HOOK3: variants seen among roughly 807,000 people sequenced by gnomAD.
The protein encoded by HOOK3 is hook microtubule tethering protein 3.
Under a neutral mutation model 116.3 loss-of-function variants are expected in HOOK3, and 24 were observed. That is an observed-to-expected ratio of 0.21 (90% CI 0.15 to 0.29). The LOEUF is 0.29. Ranked by LOEUF, HOOK3 falls within the 10% of genes least tolerant of loss-of-function variation. The pLI is 1.00. For synonymous variants in HOOK3, 275 were observed against 283.0 expected, an observed-to-expected ratio of 0.97 and a Z score of 0.28; for missense variants, 632 against 830.2, an observed-to-expected ratio of 0.76 and a Z score of 2.93.
chr8:42,904,881 T>G (rs747415586), intron 1 of HOOK3, among the ~76,000 whole-genome samples: 2 of 152,206 alleles, frequency 1.3e-5, no homozygotes, highest in African/African-American at 2.4e-5. Context: ...CTGTTGACAC[T>G]TCTATTATAC....
intron 4 of HOOK3, among the ~76,000 whole-genome samples, chr8:42,941,601 T>C (rs1808128510): frequency 6.6e-6 from 1 of 152,066 alleles, no homozygotes; most frequent in Non-Finnish European, 1.5e-5. Context: ...GAATTGATTT[T>C]CCTATTCAAG....
intron 13 of HOOK3, among the ~76,000 whole-genome samples, chr8:42,979,240 C>T (rs1311022346): frequency 6.6e-6 from 1 of 152,166 alleles, no homozygotes; most frequent in East Asian, 1.9e-4. Context: ...CCGGTTCACT[C>T]CAGCATAGGT....
intron 15 of HOOK3, among the ~76,000 whole-genome samples, chr8:42,993,778 A>AT (rs1216834321): frequency 1.3e-5 from 2 of 151,986 alleles, no homozygotes; most frequent in Non-Finnish European, 1.5e-5. Flanking sequence ...AGATTTTTCA[A>AT]TTTTTTGGCA....
At chr8:42,969,157 T>C (rs1354793878) in intron 11 of HOOK3, among the ~76,000 whole-genome samples, 1 of 152,226 alleles carries the variant, frequency 6.6e-6, no homozygotes, top group East Asian at 1.9e-4. Context: ...AATAGTATTG[T>C]ACAGGTCCTC....
chr8:43,009,314 G>A (rs1360866886), intron 18 of HOOK3, among the ~76,000 whole-genome samples: 2 of 151,908 alleles, frequency 1.3e-5, no homozygotes, highest in Non-Finnish European at 2.9e-5. Context: ...GCTGAGGCAG[G>A]AGAATCGCTT....
At chr8:42,953,635 A>G (rs1339193964) in intron 6 of HOOK3, among the ~76,000 whole-genome samples, 6 of 152,106 alleles carry the variant, frequency 3.9e-5, no homozygotes, top group African/African-American at 4.8e-5. Context: ...AGCATCTACT[A>G]TATACTAGAT....
intron 3 of HOOK3, among the ~76,000 whole-genome samples, chr8:42,926,048 G>A (rs1303144830): frequency 1.3e-5 from 2 of 152,096 alleles, no homozygotes; most frequent in East Asian, 1.9e-4. Flanking sequence ...TAACTGTATC[G>A]TAAACACTCA....
intron 4 of HOOK3, among the ~76,000 whole-genome samples, chr8:42,937,009 C>T (rs972140646): frequency 4.6e-5 from 7 of 152,148 alleles, no homozygotes; most frequent in Admixed American, 4.6e-4. Flanking sequence ...AGCTGTGAAT[C>T]CATCTGGTCC....
chr8:42,947,360 G>GT (rs562925534), intron 5 of HOOK3, among the ~76,000 whole-genome samples: 157 of 152,296 alleles, frequency 1.0e-3, no homozygotes, highest in African/African-American at 3.6e-3. Flanking sequence ...TCCTTAATAT[G>GT]TAGGGGGTCT....
Position 43,018,611 on chromosome 8 carries a change from T to C in HOOK3, c.*113T>C. The C allele has an allele frequency of 3.8e-6, 4 of 1,057,002 alleles. No homozygotes were observed. The highest frequency in any genetic ancestry group is 5.2e-6 in the Non-Finnish European group (4 of 767,406). 65.5% of individuals were successfully genotyped at this position (1,057,002 alleles called of 1,614,324 possible). A position where few individuals can be genotyped will look rare whatever the true frequency, so the allele number is the denominator to read the frequency against. ...ATTTTTTGTTTCTCTTCTATGTCAA[T>C]ACTTAGTGTTTCTCATTTTGAGGAC... On this transcript the variant is annotated 3_prime_UTR_variant, in exon 22 of 22. Coordinates refer to ENST00000307602, the MANE Select transcript of HOOK3 (RefSeq NM_032410.4).
At chr8:42,902,885 G>A (rs1271631027) in intron 1 of HOOK3, among the ~76,000 whole-genome samples, 1 of 152,196 alleles carries the variant, frequency 6.6e-6, no homozygotes, top group Non-Finnish European at 1.5e-5. Context: ...AGAGAAGAAT[G>A]AGACATAGTC....
At chr8:42,937,499 T>C (rs1316234488) in intron 4 of HOOK3, among the ~76,000 whole-genome samples, 1 of 152,178 alleles carries the variant, frequency 6.6e-6, no homozygotes, top group Non-Finnish European at 1.5e-5. Context: ...CGATTTCAGA[T>C]CTTTCCTGCT....
At chr8:42,984,815 A>C (rs1000692109) in intron 14 of HOOK3, among the ~76,000 whole-genome samples, 1 of 152,204 alleles carries the variant, frequency 6.6e-6, no homozygotes, top group African/African-American at 2.4e-5. Context: ...GAGGCACGAG[A>C]ATCATTTGAA....
chr8:42,957,595 A>G (rs942162078), intron 7 of HOOK3, among the ~76,000 whole-genome samples: 6 of 152,278 alleles, frequency 3.9e-5, no homozygotes, highest in East Asian at 1.9e-4. Context: ...TGACATGTCA[A>G]ATTCCTGGAA....
At chr8:42,981,206 C>T (rs1290152847) in intron 13 of HOOK3, among the ~76,000 whole-genome samples, 2 of 151,730 alleles carry the variant, frequency 1.3e-5, no homozygotes, top group Non-Finnish European at 2.9e-5. Flanking sequence ...CATGCATCAC[C>T]ATGCCTGGCT....
intron 13 of HOOK3, among the ~76,000 whole-genome samples, chr8:42,980,204 C>T (rs1284586266): frequency 1.3e-5 from 2 of 152,010 alleles, no homozygotes; most frequent in Admixed American, 6.6e-5. Context: ...CCACCTGGCT[C>T]GGCCTCCCAA....
rs540931933 is a variant in HOOK3 at position 42,982,706 on chromosome 8, T to C, written c.1391+10T>C. On this transcript the variant is annotated intron_variant, in intron 14 of 21. Coordinates refer to ENST00000307602, the MANE Select transcript of HOOK3 (RefSeq NM_032410.4). ...TTACACCTGAAATCAGGTAAGGAGATTGTGGTGTTCACACTTACACTGCAC... is the reference window on the plus strand; with the variant it reads ...TTACACCTGAAATCAGGTAAGGAGACTGTGGTGTTCACACTTACACTGCAC... The C allele has an allele frequency of 1.0e-5, 16 of 1,593,130 alleles. No homozygotes were observed. The highest frequency in any genetic ancestry group is 5.4e-5 in the African/African-American group (4 of 74,594).
At chr8:42,919,097 A>G (rs908245061) in intron 2 of HOOK3, among the ~76,000 whole-genome samples, 54 of 148,466 alleles carry the variant, frequency 3.6e-4, no homozygotes, top group Admixed American at 8.7e-4. Context: ...GCTGCCCCCC[A>G]TCACCCAGAC....
intron 19 of HOOK3, 103 bp downstream of exon 19, chr8:43,010,508 A>C (rs1809584644): frequency 3.2e-6 from 1 of 315,750 alleles, no homozygotes; most frequent in East Asian, 6.9e-5. Flanking sequence ...TAATGCAGAA[A>C]ACTCTCAGGA....
Sources: allele counts gnomAD v4.1 joint callset (sites outside exome capture counted in the v4.1 genomes callset), GRCh38; gene constraint gnomAD v4.1.1; transcripts MANE v1.5; gene names NCBI Gene and HGNC (gene_info 2026-07-23, HGNC 2026-07-21).